The following SMURF2 variants were observed in gnomAD, a reference collection of about 807,000 sequenced individuals.
The protein encoded by SMURF2 is E3 ubiquitin-protein ligase SMURF2.
In SMURF2, 48 loss-of-function variants were observed where a neutral mutation model predicts 109.6. The observed-to-expected ratio is 0.44, with a 90% CI of 0.35 to 0.56. The LOEUF (loss-of-function observed/expected upper bound fraction) is 0.56, where lower values mean the gene tolerates loss of function less well. Ranked by LOEUF, SMURF2 falls within the 20% of genes least tolerant of loss-of-function variation. SMURF2 has a pLI of 0.01. For synonymous variants in SMURF2, 288 were observed against 317.1 expected (o/e 0.91, Z 0.97); for missense variants, 575 against 909.0 (o/e 0.63, Z 4.72).
At position 64,581,775 on chromosome 17, in the gene SMURF2, T is replaced by C. The variant is rs782232719; in HGVS notation, c.570-784A>G. On this transcript the variant is annotated intron_variant, in intron 7 of 18. Coordinates refer to ENST00000262435, the MANE Select transcript of SMURF2 (RefSeq NM_022739.4). The surrounding 1 kb of genome is among the most constrained non-coding windows in gnomAD (Gnocchi z 4.3). The stretch of plus-strand genomic sequence containing the variant: ...GCCTGGCCAACACAGCGAAACCCCA[T>C]CTCTACTAAAAATACAAAAATTAGC... Among the ~76,000 whole-genome samples, 1 of 151,882 alleles carries C rather than the reference T, an allele frequency of 6.6e-6. No homozygotes were observed. Among genetic ancestry groups the C allele is most frequent in the Non-Finnish European group, 1.5e-5 (1 of 68,002 alleles).
At chr17:64,642,108 T>C (rs1230504201) in intron 1 of SMURF2, among the ~76,000 whole-genome samples, 1 of 152,148 alleles carries the variant, frequency 6.6e-6, no homozygotes, top group Non-Finnish European at 1.5e-5. Context: ...CGCCCGGCCC[T>C]AGGGTCATTT....
At chr17:64,555,695 G>T in intron 14 of SMURF2, 125 bp downstream of exon 14, 1 of 563,236 alleles carries the variant, frequency 1.8e-6, no homozygotes, top group Non-Finnish European at 3.0e-6. Flanking sequence ...AATCATATGC[G>T]ATCCTATCAC....
At chr17:64,627,112 T>G (rs1303176555) in intron 1 of SMURF2, among the ~76,000 whole-genome samples, 1 of 89,638 alleles carries the variant, frequency 1.1e-5, no homozygotes, top group Non-Finnish European at 1.9e-5. Context: ...GTTTTTTTCC[T>G]TTTTTTTTTT....
chr17:64,650,347 G>GTTT (rs375725722), intron 1 of SMURF2, among the ~76,000 whole-genome samples: 1 of 137,638 alleles, frequency 7.3e-6, no homozygotes, highest in African/African-American at 2.7e-5. Flanking sequence ...TTTGTTTTTT[G>GTTT]TTTTTTTTTT....
intron 9 of SMURF2, among the ~76,000 whole-genome samples, chr17:64,575,089 ATT>A (rs551344959): frequency 6.8e-6 from 1 of 147,396 alleles, no homozygotes; most frequent in African/African-American, 2.5e-5. Context: ...AGGCCCTTGG[ATT>A]TTTTTTTTCT....
intron 1 of SMURF2, among the ~76,000 whole-genome samples, chr17:64,642,289 C>T (rs1555692631): frequency 6.6e-6 from 1 of 152,152 alleles, no homozygotes; most frequent in Non-Finnish European, 1.5e-5. Flanking sequence ...TCACAGAAAG[C>T]AAGGTACATC....
chr17:64,551,926 G>C lies in SMURF2; in HGVS notation c.1749-222C>G, dbSNP rs552692349. Among the ~76,000 whole-genome samples the C allele has an allele frequency of 9.9e-5, 15 of 152,222 alleles. No individual in the cohort carries two copies. The South Asian group carries it at 3.1e-3, about 32-fold the overall frequency. On this transcript the variant is annotated intron_variant, in intron 15 of 18. Transcript: ENST00000262435. ...AAGTGGTAAACTACTAACAAAAGCA[G>C]CATCAGCAGAGCAACCCTTCAAATC...
chr17:64,643,975 G>A (rs1404541997), intron 1 of SMURF2, among the ~76,000 whole-genome samples: 15 of 151,788 alleles, frequency 9.9e-5, no homozygotes, highest in African/African-American at 1.5e-4. Context: ...ATAGGTGCGC[G>A]CCACCAAGCC....
intron 1 of SMURF2, among the ~76,000 whole-genome samples, chr17:64,630,624 A>G (rs1322907351): frequency 1.3e-5 from 2 of 152,208 alleles, no homozygotes; most frequent in Admixed American, 1.3e-4. Flanking sequence ...AAGGGGACAA[A>G]TGACAGTCCA....
At chr17:64,615,818 T>C (rs1970113007) in intron 1 of SMURF2, among the ~76,000 whole-genome samples, 1 of 152,308 alleles carries the variant, frequency 6.6e-6, no homozygotes, top group Non-Finnish European at 1.5e-5. Context: ...TATTTATTTA[T>C]TGATGGATAA....
intron 6 of SMURF2, among the ~76,000 whole-genome samples, chr17:64,584,318 C>CAAAA (rs368630194): frequency 4.2e-5 from 3 of 71,860 alleles, no homozygotes; most frequent in Non-Finnish European, 8.7e-5. Context: ...AACTCCTTCT[C>CAAAA]AAAAAAAAAA....
At chr17:64,593,195 T>C (rs1231452497) in intron 4 of SMURF2, 4 of 201,996 alleles carry the variant, frequency 2.0e-5, no homozygotes, top group Non-Finnish European at 3.9e-5. Context: ...GTTTCACATA[T>C]TTAAAATGTT....
chr17:64,632,822 A>T (rs1172966213), intron 1 of SMURF2, among the ~76,000 whole-genome samples: 1 of 152,200 alleles, frequency 6.6e-6, no homozygotes, highest in African/African-American at 2.4e-5. Flanking sequence ...TGGACAAATG[A>T]CTTAACCTCT....
chr17:64,597,253 T>TA (rs577938933), intron 3 of SMURF2, among the ~76,000 whole-genome samples: 6 of 149,000 alleles, frequency 4.0e-5, no homozygotes, highest in Middle Eastern at 3.4e-3. Context: ...AAAATTACCT[T>TA]AAAAAAAAAA....
chr17:64,619,478 CAAAAAAAAAAAA>C lies in SMURF2; in HGVS notation c.53-12850_53-12839del, dbSNP rs552413988. On this transcript the variant is annotated intron_variant, in intron 1 of 18. Transcript: ENST00000262435. ...GGGTGACACGGCGAGACTCTTGTCTCAAAAAAAAAAAAAAAAAAAAAAAAAGAAGAAGAATAT... is the reference window on the plus strand; with the variant it reads ...GGGTGACACGGCGAGACTCTTGTCTCAAAAAAAAAAAAAGAAGAAGAATAT... Among the ~76,000 whole-genome samples, 6 of 34,914 alleles carry C rather than the reference CAAAAAAAAAAAA, an allele frequency of 1.7e-4. No individual in the cohort carries two copies. In the East Asian group the frequency reaches 3.6e-3, roughly 21 times the overall value. The allele number at this position is 34,914 out of a possible 152,430, so 22.9% of individuals were successfully genotyped here.
At chr17:64,640,106 C>T (rs1455245860) in intron 1 of SMURF2, among the ~76,000 whole-genome samples, 1 of 152,090 alleles carries the variant, frequency 6.6e-6, no homozygotes, top group Non-Finnish European at 1.5e-5. Flanking sequence ...TATCTTTAGA[C>T]TTACAGGTTT....
At chr17:64,611,727 T>C (rs1276752635) in intron 1 of SMURF2, among the ~76,000 whole-genome samples, 1 of 152,230 alleles carries the variant, frequency 6.6e-6, no homozygotes, top group Non-Finnish European at 1.5e-5. Context: ...TTCTCCACGC[T>C]GGACCTGAAG....
chr17:64,660,835 G>A (rs1171462979), intron 1 of SMURF2: 2 of 152,158 alleles, frequency 1.3e-5, no homozygotes, highest in Admixed American at 1.3e-4. Flanking sequence ...CCAAATAAAA[G>A]TTCTCCTAAA....
chr17:64,620,903 C>T (rs782103515), intron 1 of SMURF2, among the ~76,000 whole-genome samples: 6 of 152,160 alleles, frequency 3.9e-5, no homozygotes, highest in Non-Finnish European at 7.3e-5. Context: ...GCAGCTCACT[C>T]CTTGTTTCCC....
Sources: gnomAD v4.1 joint callset for allele counts (sites outside exome capture counted in the v4.1 genomes callset) on GRCh38, gnomAD v4.1.1 for gene constraint, Gnocchi (gnomAD v3.1) non-coding constraint, MANE v1.5 for transcripts, NCBI Gene and HGNC (gene_info 2026-07-23, HGNC 2026-07-21) for gene names.